Variants in KLF12 observed in about 807,000 individuals in gnomAD.
KLF12 encodes the protein Krueppel-like factor 12.
A neutral mutation model predicts 37.8 loss-of-function variants in KLF12; 9 were observed. The observed-to-expected ratio is 0.24, with a 90% CI of 0.14 to 0.42. The LOEUF (loss-of-function observed/expected upper bound fraction) is 0.42. KLF12 is among the 10% of genes least tolerant of loss of function. The pLI, the probability that KLF12 is intolerant of heterozygous loss-of-function variation, is 1.00. For missense variants in KLF12, 411 were observed against 516.0 expected, an observed-to-expected ratio of 0.80 and a Z score of 1.97; for synonymous variants, 208 against 202.1, an observed-to-expected ratio of 1.03 and a Z score of -0.25.
At chr13:73,928,486 C>T (rs976611953) in intron 3 of KLF12, among the ~76,000 whole-genome samples, 8 of 152,176 alleles carry the variant, frequency 5.3e-5, no homozygotes, top group African/African-American at 1.4e-4. Flanking sequence ...GAAAGCAGTA[C>T]TTGTTGCTAT....
chr13:73,804,586 G>A (rs1882461919), intron 5 of KLF12, among the ~76,000 whole-genome samples: 1 of 152,084 alleles, frequency 6.6e-6, no homozygotes, highest in Non-Finnish European at 1.5e-5. Context: ...TAGAAGGCTG[G>A]TGGGCTGATA....
chr13:74,147,678 T>A, the KLF12 span, among the ~76,000 whole-genome samples: 1 of 152,148 alleles, frequency 6.6e-6, no homozygotes, highest in African/African-American at 2.4e-5. Context: ...AAGCTTCCAA[T>A]GCCTTGTCTC....
chr13:73,962,699 T>C (rs2139469809), intron 2 of KLF12, among the ~76,000 whole-genome samples: 1 of 152,306 alleles, frequency 6.6e-6, no homozygotes, highest in Non-Finnish European at 1.5e-5. Context: ...AATTCTACTT[T>C]TTAAAATTCA....
chr13:73,735,934 A>T (rs1198341345), intron 6 of KLF12, among the ~76,000 whole-genome samples: 2 of 149,010 alleles, frequency 1.3e-5, no homozygotes, highest in African/African-American at 5.0e-5. Flanking sequence ...CCCTGTATGC[A>T]CTGATTTTCT....
At chr13:74,055,306 G>C (rs972626180) in intron 1 of KLF12, among the ~76,000 whole-genome samples, 2 of 152,126 alleles carry the variant, frequency 1.3e-5, no homozygotes, top group Non-Finnish European at 2.9e-5. Context: ...GTCTTTAAAA[G>C]GCAAAACCCT....
At chr13:74,229,496 G>A in the KLF12 span, among the ~76,000 whole-genome samples, 2 of 152,124 alleles carry the variant, frequency 1.3e-5, no homozygotes, top group Non-Finnish European at 2.9e-5. Flanking sequence ...CTCTGGTGAC[G>A]GTGATGCATG....
At chr13:74,176,237 T>C in the KLF12 span, among the ~76,000 whole-genome samples, 2 of 152,162 alleles carry the variant, frequency 1.3e-5, no homozygotes, top group Non-Finnish European at 2.9e-5. Context: ...TCCAAAACAT[T>C]GTTCCTCCAT....
intron 1 of KLF12, among the ~76,000 whole-genome samples, chr13:74,115,099 T>C (rs1156476343): frequency 6.6e-6 from 1 of 152,226 alleles, no homozygotes; most frequent in Non-Finnish European, 1.5e-5. Context: ...ACCACTGTTC[T>C]AAATCCTCCA....
At chr13:73,760,273 A>G (rs1193530369) in intron 6 of KLF12, among the ~76,000 whole-genome samples, 2 of 152,176 alleles carry the variant, frequency 1.3e-5, no homozygotes, top group African/African-American at 4.8e-5. Flanking sequence ...GCAGCATCCA[A>G]TTGGTTAGAG....
At chr13:74,281,225 A>C in the KLF12 span, among the ~76,000 whole-genome samples, 5,350 of 151,966 alleles carry the variant, frequency 0.035, 306 homozygotes, top group African/African-American at 0.12. Flanking sequence ...ACCACATTTC[A>C]TGAGTTGTTC....
intron 3 of KLF12, among the ~76,000 whole-genome samples, chr13:73,892,679 C>T (rs2139029147): frequency 6.6e-6 from 1 of 152,170 alleles, no homozygotes; most frequent in South Asian, 2.1e-4. Flanking sequence ...AAAAGAATGG[C>T]ATAGAGTTAT....
chr13:73,934,056 C>T (rs139221451), intron 3 of KLF12, among the ~76,000 whole-genome samples: 81 of 152,272 alleles, frequency 5.3e-4, no homozygotes, highest in African/African-American at 1.9e-3. Flanking sequence ...TTTGACTACT[C>T]TAGATTCTAT....
intron 3 of KLF12, among the ~76,000 whole-genome samples, chr13:73,861,503 G>A (rs890161022): frequency 6.6e-6 from 1 of 152,184 alleles, no homozygotes; most frequent in Non-Finnish European, 1.5e-5. Context: ...GGCAGGTAAT[G>A]TGTCCCCCAG....
At chr13:74,223,613 G>A in the KLF12 span, among the ~76,000 whole-genome samples, 2 of 152,092 alleles carry the variant, frequency 1.3e-5, no homozygotes, top group African/African-American at 4.8e-5. Context: ...GAGATGGAAA[G>A]TGGACTTCCC....
the KLF12 span, among the ~76,000 whole-genome samples, chr13:74,195,323 G>A: frequency 6.6e-6 from 1 of 152,188 alleles, no homozygotes; most frequent in Non-Finnish European, 1.5e-5. Flanking sequence ...CTCACAGCCA[G>A]GAAAATATTG....
At chr13:74,080,375 A>G (rs1041319533) in intron 1 of KLF12, among the ~76,000 whole-genome samples, 2 of 152,082 alleles carry the variant, frequency 1.3e-5, no homozygotes, top group Non-Finnish European at 2.9e-5. Context: ...TTGAGCCTGA[A>G]AGTTCGAGGC....
At chr13:73,880,036 G>A (rs956161083) in intron 3 of KLF12, among the ~76,000 whole-genome samples, 3 of 152,036 alleles carry the variant, frequency 2.0e-5, no homozygotes. Flanking sequence ...GTTCTGCCTG[G>A]AGCATGGTTC....
chr13:73,741,468 T>G (rs1877974486), intron 6 of KLF12, among the ~76,000 whole-genome samples: 1 of 152,174 alleles, frequency 6.6e-6, no homozygotes, highest in Non-Finnish European at 1.5e-5. Context: ...TTACAAAGAA[T>G]TATGGCAAAG....
chr13:73,869,664 T>TGTTC (rs1886372075), intron 3 of KLF12, among the ~76,000 whole-genome samples: 1 of 151,914 alleles, frequency 6.6e-6, no homozygotes, highest in Non-Finnish European at 1.5e-5. Flanking sequence ...TATAATATAC[T>TGTTC]CAGCATATAA....
Sources: gnomAD v4.1 joint callset for allele counts (sites outside exome capture counted in the v4.1 genomes callset) on GRCh38, gnomAD v4.1.1 for gene constraint, MANE v1.5 for transcripts, NCBI Gene and HGNC (gene_info 2026-07-23, HGNC 2026-07-21) for gene names.